The following PIGK variants were observed in gnomAD, a reference collection of about 807,000 sequenced individuals.
PIGK encodes GPI-anchor transamidase.
Under a neutral mutation model 50.6 loss-of-function variants are expected in PIGK, and 42 were observed. The ratio of observed to expected loss-of-function variants is 0.83; its 90% confidence interval spans 0.65 to 1.07. The LOEUF (loss-of-function observed/expected upper bound fraction) is 1.07, where lower values mean the gene tolerates loss of function less well. PIGK is among the 50% of genes least tolerant of loss of function. The pLI is 0.00. For synonymous variants in PIGK, 151 were observed against 156.0 expected, an observed-to-expected ratio of 0.97 and a Z score of 0.24; for missense variants, 448 against 488.7, an observed-to-expected ratio of 0.92 and a Z score of 0.78.
chr1:77,172,888 C>A (rs1021063093), intron 3 of PIGK, among the ~76,000 whole-genome samples: 1 of 152,164 alleles, frequency 6.6e-6, no homozygotes, highest in Non-Finnish European at 1.5e-5. Context: ...CACGCCACTG[C>A]ACTCCAGCCT....
intron 9 of PIGK, among the ~76,000 whole-genome samples, chr1:77,150,298 G>A (rs1395142154): frequency 2.0e-5 from 3 of 151,936 alleles, no homozygotes; most frequent in African/African-American, 4.8e-5. Context: ...TGGGAGGATC[G>A]TTTGAGCCCA....
At chr1:77,166,689 T>C (rs1253592285) in intron 5 of PIGK, 30 bp downstream of exon 5, 1 of 1,059,676 alleles carries the variant, frequency 9.4e-7, no homozygotes, top group Non-Finnish European at 1.4e-6. Flanking sequence ...CAATATACTC[T>C]ACTATAAAAA....
intron 10 of PIGK, among the ~76,000 whole-genome samples, chr1:77,104,245 G>A (rs1653615258): frequency 6.6e-6 from 1 of 151,812 alleles, no homozygotes; most frequent in Non-Finnish European, 1.5e-5. Context: ...ACAGCCAGGA[G>A]GAAAAACAAT....
intron 9 of PIGK, among the ~76,000 whole-genome samples, chr1:77,153,071 T>C (rs1654928226): frequency 6.6e-6 from 1 of 152,188 alleles, no homozygotes; most frequent in Non-Finnish European, 1.5e-5. Flanking sequence ...CTCCCATGTC[T>C]ATTGCAGCAG....
intron 9 of PIGK, among the ~76,000 whole-genome samples, chr1:77,134,794 T>C (rs1654460870): frequency 6.6e-6 from 1 of 152,222 alleles, no homozygotes; most frequent in African/African-American, 2.4e-5. Flanking sequence ...TGTTCAGAAG[T>C]AGAAATTGTA....
chr1:77,154,382 A>G, intron 9 of PIGK, 67 bp downstream of exon 9: 1 of 1,243,694 alleles, frequency 8.0e-7, no homozygotes, highest in Non-Finnish European at 1.1e-6. Context: ...TCTTAATACA[A>G]TGTTTCAAAA....
chr1:77,122,331 G>C lies in PIGK; in HGVS notation c.1015C>G (p.Leu339Val). The C allele has an allele frequency of 6.2e-7, 1 of 1,604,144 alleles. No individual in the cohort carries two copies. Among genetic ancestry groups the C allele is most frequent in the Non-Finnish European group, 8.5e-7 (1 of 1,171,566 alleles). ...SYKEDQMDEK[L>V]MEPLKYAEQL... The stretch of plus-strand genomic sequence containing the variant: ...TCAGCATATTTCAGAGGTTCCATTA[G>C]TTTCTCATCCATCTGGTCTTCCTTA... The change falls in exon 10 of 11, where the codon CTA becomes GTA. Residue 339 changes from leucine to valine, a missense_variant. Transcript: ENST00000370812.
intron 3 of PIGK, among the ~76,000 whole-genome samples, chr1:77,180,127 C>A (rs1446409345): frequency 6.6e-6 from 1 of 151,870 alleles, no homozygotes; most frequent in Non-Finnish European, 1.5e-5. Flanking sequence ...CCAAAATATC[C>A]CCAATAGATA....
At chr1:77,100,539 A>G (rs560105429) in intron 10 of PIGK, among the ~76,000 whole-genome samples, 2 of 152,318 alleles carry the variant, frequency 1.3e-5, no homozygotes, top group Admixed American at 6.5e-5. Context: ...ATGATGCACT[A>G]TCACTCCTAT....
At chr1:77,103,082 ATTGT>A (rs1253835382) in intron 10 of PIGK, among the ~76,000 whole-genome samples, 1 of 152,118 alleles carries the variant, frequency 6.6e-6, no homozygotes, top group Admixed American at 6.5e-5. Context: ...GGTTATGCAT[ATTGT>A]TTGTTTATTA....
chr1:77,092,241 A>T lies in PIGK; in HGVS notation c.*133T>A, dbSNP rs939670024. The stretch of plus-strand genomic sequence containing the variant: ...TTTTTCTTTAAGTTATAAAATTAAT[A>T]GTTGATTCAAATTTAGTTTCCTTAT... On this transcript the variant is annotated 3_prime_UTR_variant, in exon 11 of 11. Coordinates refer to ENST00000370812, the MANE Select transcript of PIGK (RefSeq NM_005482.3). 4.0e-6 allele frequency: 2 copies of T among 502,488 alleles called. No homozygotes were observed. The highest frequency in any genetic ancestry group is 7.1e-6 in the Non-Finnish European group (2 of 283,254). 31.1% of individuals were successfully genotyped at this position (502,488 alleles called of 1,614,324 possible). A position where few individuals can be genotyped will look rare whatever the true frequency, so the allele number is the denominator to read the frequency against.
At chr1:77,195,196 G>A in intron 3 of PIGK, 1 of 1,191,818 alleles carries the variant, frequency 8.4e-7, no homozygotes, top group Non-Finnish European at 1.2e-6. Flanking sequence ...CTTAACCGTG[G>A]GCGATGAGAA....
chr1:77,156,084 G>GA (rs964635601), intron 8 of PIGK, among the ~76,000 whole-genome samples: 4 of 151,182 alleles, frequency 2.6e-5, no homozygotes, highest in African/African-American at 7.3e-5. Context: ...AATTAAAAAG[G>GA]AAAAAAAAGT....
chr1:77,212,463 G>A (rs1052341795), intron 1 of PIGK, among the ~76,000 whole-genome samples: 17 of 152,080 alleles, frequency 1.1e-4, no homozygotes, highest in Non-Finnish European at 2.2e-4. Flanking sequence ...GAAAATTTCA[G>A]GGAGAATAAA....
chr1:77,143,185 T>C (rs529082557), intron 9 of PIGK, among the ~76,000 whole-genome samples: 19 of 152,184 alleles, frequency 1.2e-4, no homozygotes, highest in Non-Finnish European at 2.5e-4. Context: ...AAATAAAGAT[T>C]GTCTTATTAC....
chr1:77,090,464 T>G lies in PIGK; in HGVS notation c.*1910A>C, dbSNP rs1379439601. On this transcript the variant is annotated 3_prime_UTR_variant, in exon 11 of 11. Transcript: ENST00000370812. ...CTTTGAAATTCTGCTGAGGCAAAAT[T>G]TATCCTGAATATTTTATCCAGTATT... The G allele has an allele frequency of 1.3e-5, 2 of 152,226 alleles. No homozygotes were observed. Among genetic ancestry groups the G allele is most frequent in the African/African-American group, 4.8e-5 (2 of 41,468 alleles). The allele number at this position is 152,226 out of a possible 1,614,324, so 9.4% of individuals were successfully genotyped here.
At chr1:77,123,788 G>T (rs561332042) in intron 9 of PIGK, among the ~76,000 whole-genome samples, 1 of 151,982 alleles carries the variant, frequency 6.6e-6, no homozygotes. Context: ...AAAATGATAC[G>T]TTTTATGTTA....
chr1:77,133,237 C>CA (rs1654419045), intron 9 of PIGK, among the ~76,000 whole-genome samples: 1 of 152,030 alleles, frequency 6.6e-6, no homozygotes, highest in African/African-American at 2.4e-5. Context: ...GTACTGTCTT[C>CA]AAGTTCACTA....
chr1:77,121,470 A>G (rs549716161), intron 10 of PIGK, among the ~76,000 whole-genome samples: 6 of 152,306 alleles, frequency 3.9e-5, no homozygotes, highest in Non-Finnish European at 8.8e-5. Context: ...GGCACTTCTA[A>G]TCAATACATA....
Sources: gnomAD v4.1 joint callset for allele counts (sites outside exome capture counted in the v4.1 genomes callset) on GRCh38, gnomAD v4.1.1 for gene constraint, MANE v1.5 for transcripts, NCBI Gene and HGNC (gene_info 2026-07-23, HGNC 2026-07-21) for gene names.